Variants in KDM4C observed in about 807,000 individuals in gnomAD.
KDM4C encodes the protein lysine demethylase 4C, also known as lysine-specific demethylase 4C.
KDM4C carries 81 observed loss-of-function variants against 129.3 expected under a neutral mutation model. The observed-to-expected ratio is 0.63, with a 90% confidence interval of 0.52 to 0.75. The LOEUF is 0.75. KDM4C is among the 30% of genes least tolerant of loss of function. The probability of loss-of-function intolerance (pLI) is 0.00; values close to 1 mark genes in which losing one functional copy is unlikely to be tolerated. For synonymous variants in KDM4C, 573 were observed against 456.1 expected (o/e 1.26, Z -3.26); for missense variants, 1,457 against 1,304.0 (o/e 1.12, Z -1.81).
chr9:7,043,307 T>C lies in KDM4C; in HGVS notation c.2260-3555T>C, dbSNP rs192400380. Among the ~76,000 whole-genome samples, 92 of 152,118 alleles carry C rather than the reference T, an allele frequency of 6.0e-4. 1 individual carries two copies. The highest frequency in any genetic ancestry group is 3.5e-3 in the Admixed American group (53 of 15,260). On this transcript the variant is annotated intron_variant, in intron 15 of 21. Transcript: ENST00000381309. ...ACTTTCCTACCTTCTCCTTAAATTC[T>C]TTCATTGAAAGATTTGGAGGAAAAT... is the stretch of plus-strand genomic sequence containing the variant.
chr9:6,753,458 G>T (rs1818140435), upstream of KDM4C, among the ~76,000 whole-genome samples: 1 of 152,028 alleles, frequency 6.6e-6, no homozygotes, highest in Admixed American at 6.6e-5. Context: ...ATTTTTAATT[G>T]AGATGGGGTC....
At chr9:7,143,931 A>T (rs1368541113) in intron 19 of KDM4C, among the ~76,000 whole-genome samples, 4 of 152,212 alleles carry the variant, frequency 2.6e-5, no homozygotes, top group African/African-American at 9.6e-5. Context: ...CATTTAATCT[A>T]AAAGGAAGGA....
At chr9:7,049,476 A>T (rs1829854646) in intron 17 of KDM4C, among the ~76,000 whole-genome samples, 1 of 152,108 alleles carries the variant, frequency 6.6e-6, no homozygotes, top group African/African-American at 2.4e-5. Flanking sequence ...ACTATAGGTT[A>T]TCTGGTAAGA....
At chr9:6,975,869 C>T (rs1589414881) in intron 8 of KDM4C, among the ~76,000 whole-genome samples, 1 of 152,152 alleles carries the variant, frequency 6.6e-6, no homozygotes, top group Non-Finnish European at 1.5e-5. Flanking sequence ...AAAACCCCGT[C>T]TCTACTAAAA....
At chr9:6,874,204 C>CTT (rs1843235639) in intron 5 of KDM4C, among the ~76,000 whole-genome samples, 1 of 152,184 alleles carries the variant, frequency 6.6e-6, no homozygotes, top group African/African-American at 2.4e-5. Context: ...CACAGATAGG[C>CTT]TTGGTTAGCA....
chr9:7,093,564 T>C (rs1564108097), intron 17 of KDM4C, among the ~76,000 whole-genome samples: 1 of 152,212 alleles, frequency 6.6e-6, no homozygotes, highest in Admixed American at 6.5e-5. Context: ...GCATTTTTCA[T>C]TGTTCTTCAT....
At chr9:6,782,696 C>G (rs1018587944) in intron 1 of KDM4C, among the ~76,000 whole-genome samples, 12 of 152,034 alleles carry the variant, frequency 7.9e-5, no homozygotes, top group African/African-American at 2.9e-4. Flanking sequence ...AGGGGAAAGG[C>G]AGGAGCTAGA....
At chr9:6,970,519 G>A (rs948691306) in intron 8 of KDM4C, among the ~76,000 whole-genome samples, 10 of 152,186 alleles carry the variant, frequency 6.6e-5, no homozygotes, top group Non-Finnish European at 1.3e-4. Context: ...CTTCCTGTTA[G>A]TTTTCTTTCC....
At chr9:6,896,909 C>T (rs1461630023) in intron 8 of KDM4C, among the ~76,000 whole-genome samples, 2 of 152,264 alleles carry the variant, frequency 1.3e-5, no homozygotes, top group African/African-American at 2.4e-5. Context: ...AGAGGGGGCT[C>T]CTGTGGCTTT....
chr9:7,063,794 A>G (rs1023031432), intron 17 of KDM4C, among the ~76,000 whole-genome samples: 1 of 152,146 alleles, frequency 6.6e-6, no homozygotes, highest in Non-Finnish European at 1.5e-5. Flanking sequence ...CTGGAGAGCT[A>G]GCTGGGAGGG....
intron 19 of KDM4C, among the ~76,000 whole-genome samples, chr9:7,146,398 C>T (rs531818556): frequency 7.6e-4 from 115 of 152,216 alleles, no homozygotes; most frequent in African/African-American, 2.7e-3. Context: ...ACTCTTTTCC[C>T]CTAATTTTCC....
In KDM4C at chr9:6,831,964, G is replaced by T. The variant is rs2131322958; in HGVS notation, c.435+17219G>T. Among the ~76,000 whole-genome samples the T allele has an allele frequency of 1.3e-5, 2 of 152,294 alleles. 1 individual carries two copies. Among genetic ancestry groups the T allele is most frequent in the South Asian group, 4.1e-4 (2 of 4,822 alleles). ...GTGAAACTAGATCCTGAGTACTTAGGCAGTCTCTGCCATAAAAGCTTATTA... is the reference window on the plus strand; with the variant it reads ...GTGAAACTAGATCCTGAGTACTTAGTCAGTCTCTGCCATAAAAGCTTATTA... On this transcript the variant is annotated intron_variant, in intron 4 of 21. Coordinates refer to ENST00000381309, the MANE Select transcript of KDM4C (RefSeq NM_015061.6).
intron 8 of KDM4C, among the ~76,000 whole-genome samples, chr9:6,940,039 T>TTCCTTCCTTCCC (rs1825643779): frequency 7.7e-6 from 1 of 129,806 alleles, no homozygotes; most frequent in African/African-American, 2.8e-5. Flanking sequence ...CCTTCTTTCC[T>TTCCTTCCTTCCC]TCCTTCCCTC....
At chr9:6,731,872 T>C (rs1201271691) in intron 1 of KDM4C, among the ~76,000 whole-genome samples, 1 of 152,192 alleles carries the variant, frequency 6.6e-6, no homozygotes, top group Non-Finnish European at 1.5e-5. Flanking sequence ...CACATTTCTT[T>C]CAGCTCTTGT....
chr9:6,908,896 C>A (rs1286725904), intron 8 of KDM4C, among the ~76,000 whole-genome samples: 1 of 152,016 alleles, frequency 6.6e-6, no homozygotes, highest in Non-Finnish European at 1.5e-5. Context: ...GAGTAAACTC[C>A]TGGAGTAGTG....
intron 6 of KDM4C, among the ~76,000 whole-genome samples, chr9:6,886,711 C>G (rs1244173021): frequency 6.6e-6 from 1 of 152,064 alleles, no homozygotes; most frequent in Non-Finnish European, 1.5e-5. Flanking sequence ...CCAGGCTGGT[C>G]TCGAACTCCT....
chr9:7,006,361 G>A (rs904154634), intron 12 of KDM4C, among the ~76,000 whole-genome samples: 2 of 152,162 alleles, frequency 1.3e-5, no homozygotes, highest in African/African-American at 4.8e-5. Context: ...CTCTCTGACT[G>A]TTGGGGAATC....
intron 17 of KDM4C, among the ~76,000 whole-genome samples, chr9:7,097,106 C>G (rs947320989): frequency 1.3e-5 from 2 of 152,196 alleles, no homozygotes; most frequent in African/African-American, 4.8e-5. Context: ...GTGGCTGAAG[C>G]CTGCTAGTCC....
chr9:6,870,770 G>T (rs1352602910), intron 5 of KDM4C, among the ~76,000 whole-genome samples: 1 of 151,924 alleles, frequency 6.6e-6, no homozygotes, highest in Non-Finnish European at 1.5e-5. Context: ...GAGCAAAACA[G>T]CAACAACAAG....
Sources: gnomAD v4.1 joint callset for allele counts (sites outside exome capture counted in the v4.1 genomes callset) on GRCh38, gnomAD v4.1.1 for gene constraint, MANE v1.5 for transcripts, NCBI Gene and HGNC (gene_info 2026-07-23, HGNC 2026-07-21) for gene names.